GALC: variants seen among roughly 807,000 people sequenced by gnomAD.
GALC encodes galactosylceramidase.
Under a neutral mutation model 91.8 loss-of-function variants are expected in GALC, and 77 were observed. That is an observed-to-expected ratio of 0.84 (90% CI 0.70 to 1.01). The LOEUF is 1.01. GALC is among the 50% of genes least tolerant of loss of function. The pLI is 0.00. For synonymous variants in GALC, 357 were observed against 306.7 expected (o/e 1.16, Z -1.71); for missense variants, 882 against 855.9 (o/e 1.03, Z -0.38).
rs36113094 is a variant in GALC at position 87,984,135 on chromosome 14, CAAA to C, written c.582+256_582+258del. 0.13 allele frequency among the ~76,000 whole-genome samples: 14,862 copies of C among 116,208 alleles called. 846 individuals carry two copies. The highest frequency in any genetic ancestry group is 0.18 in the Non-Finnish European group (9,921 of 56,058). 76.2% of individuals were successfully genotyped at this position (116,208 alleles called of 152,430 possible). A position where few individuals can be genotyped will look rare whatever the true frequency, so the allele number is the denominator to read the frequency against. The stretch of plus-strand genomic sequence containing the variant: ...AAGGAGAATTTGAGTTGGGTTGATA[CAAA>C]AAAAAAAAAAAAAAACCCAGCTCAG... On this transcript the variant is annotated intron_variant, in intron 5 of 16. Transcript: ENST00000261304.
intron 13 of GALC, among the ~76,000 whole-genome samples, chr14:87,946,121 T>A (rs1017043163): frequency 6.6e-6 from 1 of 151,980 alleles, no homozygotes; most frequent in Admixed American, 6.6e-5. Context: ...AAAGAAAAGA[T>A]AACAGGTACA....
At chr14:87,980,363 C>G (rs1886685720) in intron 6 of GALC, 1 of 290,874 alleles carries the variant, frequency 3.4e-6, no homozygotes, top group South Asian at 1.4e-4. Context: ...GCCTGGGTGA[C>G]AGAGAGAGAC....
chr14:87,981,138 G>A (rs1053113807), intron 6 of GALC: 9 of 152,232 alleles, frequency 5.9e-5, no homozygotes, highest in African/African-American at 2.2e-4. Context: ...AAAAAGGAAT[G>A]CATTAATGGC....
chr14:87,935,969 T>G lies in GALC; in HGVS notation c.1912-1091A>C, dbSNP rs150774726. On this transcript the variant is annotated intron_variant, in intron 16 of 16. Coordinates refer to ENST00000261304, the MANE Select transcript of GALC (RefSeq NM_000153.4). ...CTCTAGAAGTGCTTACTGAACATCT[T>G]CTGCTGCCATCAAACACTCAATATT... is the stretch of plus-strand genomic sequence containing the variant. Among the ~76,000 whole-genome samples, 936 of 152,108 alleles carry G rather than the reference T, an allele frequency of 6.2e-3. 4 individuals carry two copies. Among genetic ancestry groups the G allele is most frequent in the South Asian group, 0.017 (83 of 4,820 alleles).
chr14:87,992,721 T>C (rs1887258330), intron 1 of GALC: 3 of 1,428,432 alleles, frequency 2.1e-6, no homozygotes, highest in Middle Eastern at 2.6e-4. Flanking sequence ...TCTGCACCTA[T>C]ACTCTCTGGA....
intron 16 of GALC, among the ~76,000 whole-genome samples, chr14:87,938,627 C>T (rs1884695206): frequency 6.6e-6 from 1 of 151,898 alleles, no homozygotes; most frequent in Non-Finnish European, 1.5e-5. Flanking sequence ...TTCAGTACTT[C>T]CCCTTACAAT....
At chr14:87,980,641 G>A (rs558391378) in intron 6 of GALC, 17 of 215,976 alleles carry the variant, frequency 7.9e-5, no homozygotes, top group Non-Finnish European at 4.7e-5. Flanking sequence ...AGGGAGAGGT[G>A]TCATCTCCTC....
rs1032726088 is a variant in GALC at position 87,992,506 on chromosome 14, C to T, written c.195+464G>A. 1.4e-5 allele frequency: 21 copies of T among 1,531,142 alleles called. No individual in the cohort carries two copies. The African/African-American group carries it at 2.7e-4, about 20-fold the overall frequency. 94.8% of individuals were successfully genotyped at this position (1,531,142 alleles called of 1,614,324 possible). A position where few individuals can be genotyped will look rare whatever the true frequency, so the allele number is the denominator to read the frequency against. On this transcript the variant is annotated intron_variant, in intron 1 of 16. Coordinates refer to ENST00000261304, the MANE Select transcript of GALC (RefSeq NM_000153.4). ...CGGGACTTAACGACTCCACCACCCA[C>T]CAACTCCTCCAAAAGGGAGAGACAC...
At chr14:87,954,919 C>T in intron 10 of GALC, 1 of 1,549,538 alleles carries the variant, frequency 6.5e-7, no homozygotes, top group Non-Finnish European at 8.9e-7. Context: ...TGATGGAAGA[C>T]ATGATGTTTA....
At chr14:87,947,916 C>CTA (rs1885140776) in intron 12 of GALC, 38 bp from the exon 13 acceptor site, 4 of 1,590,678 alleles carry the variant, frequency 2.5e-6, no homozygotes, top group African/African-American at 1.3e-5. Flanking sequence ...GGACCAGGTA[C>CTA]TATAGCTCAT....
At position 87,993,017 on chromosome 14, in the gene GALC, C is replaced by T. The variant is rs1172471289; in HGVS notation, c.148G>A (p.Gly50Arg). Residue 50 changes from glycine to arginine, a missense_variant, in exon 1 of 17, where the codon GGG becomes AGG. By Grantham distance (125) the Gly-to-Arg change is moderately radical (BLOSUM62 -2). Transcript: ENST00000261304. ...ATGCCGTCGAACTCCCGGCCCAGCC[C>T]GTCGGAGTCGTCGAGCACGTACGCG... is the stretch of plus-strand genomic sequence containing the variant. ...GGAYVLDDSD[G>R]LGREFDGIGA... 1.9e-6 allele frequency: 3 copies of T among 1,544,938 alleles called. No homozygotes were observed. The highest frequency in any genetic ancestry group is 2.5e-5 in the East Asian group (1 of 39,984).
intron 14 of GALC, among the ~76,000 whole-genome samples, chr14:87,944,173 C>G (rs1383708380): frequency 6.6e-6 from 1 of 151,832 alleles, no homozygotes; most frequent in Non-Finnish European, 1.5e-5. Context: ...TATGAAGATT[C>G]AAATATATGA....
intron 16 of GALC, among the ~76,000 whole-genome samples, chr14:87,935,427 G>A (rs1279772357): frequency 6.6e-6 from 1 of 152,014 alleles, no homozygotes; most frequent in Non-Finnish European, 1.5e-5. Context: ...GCCATATGAA[G>A]CTCCTACCCT....
chr14:87,942,851 G>T (rs432425), intron 14 of GALC, among the ~76,000 whole-genome samples: 145,566 of 152,084 alleles, frequency 0.96, 69,961 homozygotes, highest in Non-Finnish European at 1. Flanking sequence ...CTCAAGCCCA[G>T]TCTCTCTTGT....
chr14:87,946,143 C>T (rs1465127926), intron 13 of GALC, among the ~76,000 whole-genome samples: 1 of 152,008 alleles, frequency 6.6e-6, no homozygotes, highest in Non-Finnish European at 1.5e-5. Flanking sequence ...AAGCCAGCAC[C>T]TGGCAAGGGC....
intron 6 of GALC, among the ~76,000 whole-genome samples, chr14:87,980,292 G>A (rs1362130295): frequency 1.3e-5 from 2 of 151,266 alleles, no homozygotes; most frequent in Non-Finnish European, 2.9e-5. Context: ...CTGAGGCAGA[G>A]AATTGCTTAA....
At chr14:87,982,642 T>C (rs1181039797) in intron 5 of GALC, among the ~76,000 whole-genome samples, 1 of 152,190 alleles carries the variant, frequency 6.6e-6, no homozygotes, top group Non-Finnish European at 1.5e-5. Flanking sequence ...CAAGTATTAA[T>C]ATGTATACTG....
intron 13 of GALC, among the ~76,000 whole-genome samples, chr14:87,946,038 C>T (rs1266213870): frequency 1.3e-5 from 2 of 151,900 alleles, no homozygotes; most frequent in Non-Finnish European, 2.9e-5. Context: ...AGTCTGTCGC[C>T]CTGGACAAGC....
chr14:87,934,308 G>A lies in GALC; in HGVS notation c.*424C>T. 2 of 1,286,426 alleles carry A rather than the reference G, an allele frequency of 1.6e-6. No homozygotes were observed. Among genetic ancestry groups the A allele is most frequent in the African/African-American group, 1.5e-5 (1 of 66,442 alleles). The allele number at this position is 1,286,426 out of a possible 1,614,324, so 79.7% of individuals were successfully genotyped here. On this transcript the variant is annotated 3_prime_UTR_variant, in exon 17 of 17. Transcript: ENST00000261304. Reference sequence around the variant, plus strand: ...TTCTATTATGGCAGCATCATCTTGTGATGAAGACACTGGCTCACTTGGACA... The same window carrying A: ...TTCTATTATGGCAGCATCATCTTGTAATGAAGACACTGGCTCACTTGGACA...
Sources: gnomAD v4.1 joint callset for allele counts (sites outside exome capture counted in the v4.1 genomes callset) on GRCh38, gnomAD v4.1.1 for gene constraint, MANE v1.5 for transcripts, NCBI Gene and HGNC (gene_info 2026-07-23, HGNC 2026-07-21) for gene names.